Variants in ARHGEF17 observed in about 807,000 individuals in gnomAD.
ARHGEF17 encodes Rho guanine nucleotide exchange factor 17.
Under a neutral mutation model 174.0 loss-of-function variants are expected in ARHGEF17, and 80 were observed. The ratio of observed to expected loss-of-function variants is 0.46; its 90% CI spans 0.38 to 0.55. The LOEUF (loss-of-function observed/expected upper bound fraction) is 0.55. ARHGEF17 is among the 20% of genes least tolerant of loss of function. ARHGEF17 has a pLI of 0.00. For missense variants in ARHGEF17, 2,886 were observed against 2,839.7 expected, an observed-to-expected ratio of 1.02 and a Z score of -0.37; for synonymous variants, 1,311 against 1,189.1, an observed-to-expected ratio of 1.10 and a Z score of -2.11.
Position 73,363,452 on chromosome 11 carries a change from G to A in ARHGEF17, c.5243G>A (p.Gly1748Asp). 6.2e-7 allele frequency: 1 copy of A among 1,611,896 alleles called. No homozygotes were observed. Reference protein sequence around the residue: ...QSSVWLGTEDGCVHVYQSSDS... With the variant: ...QSSVWLGTEDDCVHVYQSSDS... ...TCCGTGTGGCTGGGCACTGAGGATG[G>A]CTGGTAGGGACAGGGGAGGGACTAG... Residue 1748 changes from glycine to aspartate, a missense_variant, in exon 15 of 21, where the codon GGC becomes GAC. Around this residue, in one of 4 missense-constraint regions of ARHGEF17, gnomAD observed 329 missense variants for 435.2 expected, o/e 0.76. Coordinates refer to ENST00000263674, the MANE Select transcript of ARHGEF17 (RefSeq NM_014786.4).
At position 73,311,054 on chromosome 11, in the gene ARHGEF17, G is replaced by A; in HGVS notation, c.2416G>A (p.Gly806Arg). Residue 806 changes from glycine (G) to arginine (R), a missense_variant, in exon 1 of 21, where the codon GGG becomes AGG. Coordinates refer to ENST00000263674, the MANE Select transcript of ARHGEF17 (RefSeq NM_014786.4). The part of the protein sequence containing the change: ...YQEVIQSIVQ[G>R]PGTLGRVVDD... ...GGAGGTTATTCAGAGCATAGTTCAG[G>A]GGCCTGGCACCCTGGGGCGTGTGGT... The A allele has an allele frequency of 6.2e-7, 1 of 1,610,824 alleles. No individual in the cohort carries two copies. The highest frequency in any genetic ancestry group is 8.5e-7 in the Non-Finnish European group (1 of 1,176,896).
intron 1 of ARHGEF17, among the ~76,000 whole-genome samples, chr11:73,323,980 T>G (rs1865061034): frequency 6.6e-6 from 1 of 152,210 alleles, no homozygotes; most frequent in Non-Finnish European, 1.5e-5. Context: ...TTCTCCTCCC[T>G]GGGTCTTGCT....
At chr11:73,361,275 C>G in intron 12 of ARHGEF17, 114 bp downstream of exon 12, 1 of 960,820 alleles carries the variant, frequency 1.0e-6, no homozygotes. Context: ...CTCCTTATGT[C>G]TTGGAGAATT....
intron 1 of ARHGEF17, among the ~76,000 whole-genome samples, chr11:73,322,155 C>T (rs548975400): frequency 6.6e-6 from 1 of 152,298 alleles, no homozygotes; most frequent in South Asian, 2.1e-4. Context: ...GGACGCCTTC[C>T]CCCAATAAAG....
At chr11:73,363,595 G>A (rs1865785808) in intron 15 of ARHGEF17, 140 bp downstream of exon 15, 3 of 1,486,302 alleles carry the variant, frequency 2.0e-6, no homozygotes, top group East Asian at 4.6e-5. Context: ...ATGTCAGTGG[G>A]TCTGACAATC....
chr11:73,329,522 C>A (rs1865169760), intron 1 of ARHGEF17, among the ~76,000 whole-genome samples: 1 of 150,332 alleles, frequency 6.7e-6, no homozygotes, highest in Admixed American at 6.6e-5. Flanking sequence ...GCCTCAGCCT[C>A]CCGAGTAGCT....
intron 6 of ARHGEF17, 134 bp downstream of exon 6, chr11:73,356,485 T>C (rs145820115): frequency 5.6e-6 from 7 of 1,240,430 alleles, no homozygotes; most frequent in African/African-American, 1.5e-5. Context: ...TTTGCATCCA[T>C]GTCTGCCAGC....
intron 1 of ARHGEF17, among the ~76,000 whole-genome samples, chr11:73,313,441 C>A (rs1383040315): frequency 1.3e-5 from 2 of 152,182 alleles, no homozygotes; most frequent in Non-Finnish European, 2.9e-5. Flanking sequence ...AACCAAGGGA[C>A]TCAGGGAGAC....
At position 73,310,196 on chromosome 11, in the gene ARHGEF17, A is replaced by G; in HGVS notation, c.1558A>G (p.Ile520Val). Reference sequence around the variant, plus strand: ...TGGCCCTGTGGGGCAACTTGAACCCATACCCATCCCAGCCCCAGCATCACC... The same window carrying G: ...TGGCCCTGTGGGGCAACTTGAACCCGTACCCATCCCAGCCCCAGCATCACC... ...AGGPVGQLEP[I>V]PIPAPASPGT... Residue 520 changes from isoleucine (I) to valine (V), a missense_variant, in exon 1 of 21, where the codon ATA becomes GTA. Physicochemically the swap from Ile to Val is conservative, Grantham distance 29. Transcript: ENST00000263674. The G allele has an allele frequency of 6.2e-7, 1 of 1,613,914 alleles. No individual in the cohort carries two copies. Among genetic ancestry groups the G allele is most frequent in the Non-Finnish European group, 8.5e-7 (1 of 1,180,010 alleles).
intron 6 of ARHGEF17, 43 bp from the exon 7 acceptor site, chr11:73,356,666 T>C (rs1190967281): frequency 6.2e-7 from 1 of 1,612,796 alleles, no homozygotes; most frequent in East Asian, 2.2e-5. Context: ...GGATAGGGAT[T>C]AATAACTGGC....
intron 1 of ARHGEF17, among the ~76,000 whole-genome samples, chr11:73,328,631 CTG>C (rs985842288): frequency 2.0e-5 from 3 of 152,220 alleles, no homozygotes; most frequent in African/African-American, 7.2e-5. Context: ...ACATGTGAGA[CTG>C]GAACTGTCCC....
At position 73,317,561 on chromosome 11, in the gene ARHGEF17, TG is replaced by T. The variant is rs1864949171; in HGVS notation, c.3192+5732del. On this transcript the variant is annotated intron_variant, in intron 1 of 20. Coordinates refer to ENST00000263674, the MANE Select transcript of ARHGEF17 (RefSeq NM_014786.4). ...GGAGCCAATGTTTCCCAGAAAGGCTTGAAGCCCTGGCGTACTTACTGGGAAA... is the reference window on the plus strand; with the variant it reads ...GGAGCCAATGTTTCCCAGAAAGGCTTAAGCCCTGGCGTACTTACTGGGAAA... Among the ~76,000 whole-genome samples the T allele has an allele frequency of 7.2e-5, 11 of 152,302 alleles. No individual in the cohort carries two copies. In the South Asian group the frequency reaches 2.3e-3, roughly 32 times the overall value.
intron 11 of ARHGEF17, 142 bp downstream of exon 11, chr11:73,360,675 T>A: frequency 1.2e-6 from 1 of 842,316 alleles, no homozygotes; most frequent in Non-Finnish European, 1.9e-6. Context: ...GGGGGGCTTC[T>A]GCAGTGAAAC....
At chr11:73,329,361 ATATATATATATATTTTTTT>A (rs1865162034) in intron 1 of ARHGEF17, among the ~76,000 whole-genome samples, 1 of 2,380 alleles carries the variant, frequency 4.2e-4, no homozygotes, top group African/African-American at 1.4e-3. Context: ...ATATATATAT[ATATATATATATATTTTTTT>A]TTTTTTTTTG....
rs567416608 is a variant in ARHGEF17 at position 73,316,196 on chromosome 11, A to G, written c.3192+4366A>G. Among the ~76,000 whole-genome samples the G allele has an allele frequency of 1.1e-3, 163 of 152,348 alleles. 1 individual carries two copies. Among genetic ancestry groups the G allele is most frequent in the African/African-American group, 3.8e-3 (158 of 41,582 alleles). Reference sequence around the variant, plus strand: ...GCACAGCATGAGCAGAGGCTAGGAGATGGAAAGAAATATGGCAGGTTGTGT... The same window carrying G: ...GCACAGCATGAGCAGAGGCTAGGAGGTGGAAAGAAATATGGCAGGTTGTGT... On this transcript the variant is annotated intron_variant, in intron 1 of 20. Coordinates refer to ENST00000263674, the MANE Select transcript of ARHGEF17 (RefSeq NM_014786.4).
At chr11:73,353,925 C>T (rs1865595500) in intron 3 of ARHGEF17, among the ~76,000 whole-genome samples, 1 of 152,074 alleles carries the variant, frequency 6.6e-6, no homozygotes, top group African/African-American at 2.4e-5. Context: ...TTTTATTTTG[C>T]CAGAATTCCC....
chr11:73,310,237 A>T lies in ARHGEF17; in HGVS notation c.1599A>T (p.Thr533=). ...PAPASPGTRP[T]LKDLTATLRR... ...CAGCATCACCTGGCACGCGCCCCACACTCAAGGACTTGACAGCCACTCTGC... is the reference window on the plus strand; with the variant it reads ...CAGCATCACCTGGCACGCGCCCCACTCTCAAGGACTTGACAGCCACTCTGC... The change falls in exon 1 of 21, where the codon ACA becomes ACT. Residue 533 remains threonine, a synonymous_variant. Coordinates refer to ENST00000263674, the MANE Select transcript of ARHGEF17 (RefSeq NM_014786.4). 1.2e-6 allele frequency: 2 copies of T among 1,613,960 alleles called. No individual in the cohort carries two copies. The highest frequency in any genetic ancestry group is 2.2e-5 in the East Asian group (1 of 44,884).
chr11:73,343,778 C>A lies in ARHGEF17; in HGVS notation c.3193-3105C>A, dbSNP rs1865415510. On this transcript the variant is annotated intron_variant, in intron 1 of 20. Coordinates refer to ENST00000263674, the MANE Select transcript of ARHGEF17 (RefSeq NM_014786.4). The stretch of plus-strand genomic sequence containing the variant: ...GAGGGGAGGCGTCTTGGGGCTGTTT[C>A]CCTGTCTTTGTGTGTCTCTGGGCCT... Among the ~76,000 whole-genome samples, 3 of 152,148 alleles carry A rather than the reference C, an allele frequency of 2.0e-5. No homozygotes were observed. The South Asian group carries it at 6.2e-4, about 32-fold the overall frequency.
chr11:73,311,433 A>C lies in ARHGEF17; in HGVS notation c.2795A>C (p.Gln932Pro), dbSNP rs1333170877. The C allele has an allele frequency of 3.1e-6, 5 of 1,613,376 alleles. No homozygotes were observed. The highest frequency in any genetic ancestry group is 2.2e-5 in the East Asian group (1 of 44,886). ...SKKRPARSSHQELRRDEGSQD... is the reference protein window; with the variant it reads ...SKKRPARSSHPELRRDEGSQD... ...AAGCGCCCAGCTCGGAGTAGTCACC[A>C]GGAGCTTCGGAGAGACGAGGGCAGT... Residue 932 changes from glutamine (Q) to proline (P), a missense_variant, in exon 1 of 21, where the codon CAG becomes CCG. Physicochemically the swap from Gln to Pro is moderately conservative, Grantham distance 76 (BLOSUM62 -1). This residue lies in a region of ARHGEF17 where 1,728 missense variants were observed against 1,461.2 expected (regional missense o/e 1.18). Transcript: ENST00000263674.
Sources: allele counts gnomAD v4.1 joint callset (sites outside exome capture counted in the v4.1 genomes callset), GRCh38; gene constraint gnomAD v4.1.1; regional missense constraint gnomAD v4.1.1; transcripts MANE v1.5; gene names NCBI Gene and HGNC (gene_info 2026-07-23, HGNC 2026-07-21).